CA5A: variants seen among roughly 807,000 people sequenced by gnomAD.
CA5A encodes carbonic anhydrase 5A, also known as carbonic anhydrase 5A, mitochondrial.
A neutral mutation model predicts 37.1 loss-of-function variants in CA5A; 28 were observed. The ratio of observed to expected loss-of-function variants is 0.75; its 90% CI spans 0.56 to 1.03. The LOEUF (loss-of-function observed/expected upper bound fraction) is 1.03, where lower values mean the gene tolerates loss of function less well. Ranked by LOEUF, CA5A falls within the 50% of genes least tolerant of loss-of-function variation. The pLI is 0.00. For synonymous variants in CA5A, 171 were observed against 158.4 expected (o/e 1.08, Z -0.60); for missense variants, 444 against 399.9 (o/e 1.11, Z -0.94).
At chr16:87,903,233 C>G (rs1229835198) in intron 3 of CA5A, among the ~76,000 whole-genome samples, 2 of 152,100 alleles carry the variant, frequency 1.3e-5, no homozygotes, top group East Asian at 1.9e-4. Flanking sequence ...GAGTTCAAGA[C>G]CAGCCTGGCC....
intron 4 of CA5A, 85 bp downstream of exon 4, chr16:87,902,340 C>T (rs1361122205): frequency 2.7e-5 from 21 of 788,676 alleles, no homozygotes; most frequent in East Asian, 2.1e-4. Flanking sequence ...TGTGACACAG[C>T]GAGTCCTGTC....
chr16:87,914,886 G>A (rs1325394239), intron 2 of CA5A, among the ~76,000 whole-genome samples: 2 of 152,190 alleles, frequency 1.3e-5, no homozygotes, highest in Non-Finnish European at 2.9e-5. Context: ...GCAGCCATGA[G>A]CCAGGAACAG....
chr16:87,907,224 A>T (rs955606880), intron 2 of CA5A, among the ~76,000 whole-genome samples: 2 of 152,114 alleles, frequency 1.3e-5, no homozygotes, highest in East Asian at 1.9e-4. Context: ...TCTCAAAAAC[A>T]AAACACAGGC....
At chr16:87,923,603 C>T (rs2056260106) in intron 2 of CA5A, 1 of 985,324 alleles carries the variant, frequency 1.0e-6, no homozygotes, top group African/African-American at 1.7e-5. Flanking sequence ...AGGACATTAG[C>T]CGGGTGCCTG....
intron 5 of CA5A, among the ~76,000 whole-genome samples, chr16:87,897,896 C>T (rs1393990471): frequency 2.0e-5 from 3 of 152,308 alleles, no homozygotes; most frequent in South Asian, 2.1e-4. Context: ...GAACCCCTTC[C>T]GCCGAGGTGT....
At chr16:87,897,184 TC>T (rs2055815420) in intron 5 of CA5A, among the ~76,000 whole-genome samples, 1 of 152,214 alleles carries the variant, frequency 6.6e-6, no homozygotes, top group South Asian at 2.1e-4. Context: ...GTTCCCTGGA[TC>T]CCCTGGACCT....
At chr16:87,907,305 G>A (rs2055977540) in intron 2 of CA5A, among the ~76,000 whole-genome samples, 1 of 152,164 alleles carries the variant, frequency 6.6e-6, no homozygotes, top group Non-Finnish European at 1.5e-5. Context: ...GGAGCACGGT[G>A]AGCTCTGTGC....
At chr16:87,936,263 A>T in intron 1 of CA5A, 46 bp downstream of exon 1, 2 of 1,402,276 alleles carry the variant, frequency 1.4e-6, no homozygotes, top group South Asian at 2.3e-5. Flanking sequence ...CCATCAGCTA[A>T]GACAAGGATC....
In CA5A at chr16:87,905,649, G is replaced by A. The variant is rs553168807; in HGVS notation, c.341-745C>T. On this transcript the variant is annotated intron_variant, in intron 2 of 6. Transcript: ENST00000649794. ...GCTGGGATGACAGGTGTGAGCCACC[G>A]CTCCTGGGTGAGCAAGGTCTTTAAA... Among the ~76,000 whole-genome samples, 211 of 152,254 alleles carry A rather than the reference G, an allele frequency of 1.4e-3. 2 individuals carry two copies. Among genetic ancestry groups the A allele is most frequent in the African/African-American group, 4.6e-3 (193 of 41,544 alleles).
At chr16:87,904,020 C>T (rs1275523732) in intron 3 of CA5A, among the ~76,000 whole-genome samples, 2 of 152,128 alleles carry the variant, frequency 1.3e-5, no homozygotes, top group Non-Finnish European at 2.9e-5. Context: ...CTGACTCCCA[C>T]TTTGGAAGGT....
intron 2 of CA5A, among the ~76,000 whole-genome samples, chr16:87,924,915 T>A (rs1484237733): frequency 6.6e-6 from 1 of 152,230 alleles, no homozygotes; most frequent in Non-Finnish European, 1.5e-5. Flanking sequence ...ATTCTCTCCC[T>A]GCAGCCTTTG....
chr16:87,886,065 G>A (rs1372993001), downstream of CA5A: 1 of 151,594 alleles, frequency 6.6e-6, no homozygotes, highest in Non-Finnish European at 1.5e-5. Context: ...CCAAAAGAAT[G>A]AGCTTGCCGA....
intron 1 of CA5A, among the ~76,000 whole-genome samples, chr16:87,935,401 C>T (rs1202814016): frequency 1.3e-5 from 2 of 152,170 alleles, no homozygotes; most frequent in Non-Finnish European, 2.9e-5. Flanking sequence ...GCGTTCTCTG[C>T]CGAAGAGTTT....
chr16:87,907,505 C>G (rs1290515773), intron 2 of CA5A, among the ~76,000 whole-genome samples: 1 of 152,224 alleles, frequency 6.6e-6, no homozygotes, highest in East Asian at 1.9e-4. Flanking sequence ...ATCATCTCTT[C>G]TAGAATAGAA....
rs372073822 is a variant in CA5A at position 87,888,180 on chromosome 16, G to T, written c.867C>A (p.Asn289Lys). 2.5e-6 allele frequency: 4 copies of T among 1,613,918 alleles called. No individual in the cohort carries two copies. Among genetic ancestry groups the T allele is most frequent in the South Asian group, 1.1e-5 (1 of 91,064 alleles). ...CCTGGAAGGACGCCCAGACCTTCCG[G>T]TTCATCAAGGGTTGAAGTGGGCGAT... Reference protein sequence around the residue: ...NNYRPLQPLMNRKVWASFQAT... With the variant: ...NNYRPLQPLMKRKVWASFQAT... Residue 289 changes from asparagine (N) to lysine (K), a missense_variant, in exon 7 of 7, where the codon AAC becomes AAA. Asn to Lys is a moderately conservative substitution (Grantham distance 94). Transcript: ENST00000649794.
chr16:87,898,765 C>T (rs1306868079), intron 5 of CA5A, among the ~76,000 whole-genome samples: 12 of 138,746 alleles, frequency 8.6e-5, no homozygotes, highest in South Asian at 2.3e-4. Context: ...GACGGATTCT[C>T]GAGCTGTCAC....
At chr16:87,910,691 C>T (rs2056037808) in intron 2 of CA5A, among the ~76,000 whole-genome samples, 2 of 152,124 alleles carry the variant, frequency 1.3e-5, no homozygotes, top group African/African-American at 2.4e-5. Flanking sequence ...GATTCTCCTG[C>T]CTCAGCCTCC....
At chr16:87,924,816 G>A (rs1322694903) in intron 2 of CA5A, among the ~76,000 whole-genome samples, 1 of 152,252 alleles carries the variant, frequency 6.6e-6, no homozygotes, top group Admixed American at 6.5e-5. Context: ...GGATAACGCA[G>A]AAGCGTGGAA....
chr16:87,909,901 C>A (rs2056025583), intron 2 of CA5A, among the ~76,000 whole-genome samples: 1 of 152,152 alleles, frequency 6.6e-6, no homozygotes, highest in South Asian at 2.1e-4. Context: ...CGTTCAGAAG[C>A]TGGGGCCACC....
Sources: gnomAD v4.1 joint callset for allele counts (sites outside exome capture counted in the v4.1 genomes callset) on GRCh38, gnomAD v4.1.1 for gene constraint, MANE v1.5 for transcripts, NCBI Gene and HGNC (gene_info 2026-07-23, HGNC 2026-07-21) for gene names.